Variants in GFI1B observed in about 807,000 individuals in gnomAD.
GFI1B encodes the protein growth factor independent 1B transcriptional repressor.
A neutral mutation model predicts 35.3 loss-of-function variants in GFI1B; 20 were observed. The observed-to-expected ratio is 0.57, with a 90% CI of 0.40 to 0.82. The LOEUF (loss-of-function observed/expected upper bound fraction) is 0.82. Ranked by LOEUF, GFI1B falls within the 40% of genes least tolerant of loss-of-function variation. The pLI, the probability that GFI1B is intolerant of heterozygous loss-of-function variation, is 0.00. For synonymous variants in GFI1B, 178 were observed against 177.6 expected (o/e 1.00, Z -0.02); for missense variants, 430 against 446.3 (o/e 0.96, Z 0.33).
intron 1 of GFI1B, among the ~76,000 whole-genome samples, chr9:132,984,562 G>A (rs768839817): frequency 7.2e-5 from 11 of 152,210 alleles, no homozygotes; most frequent in Non-Finnish European, 8.8e-5. Context: ...GGCTTACCCC[G>A]TCCTTTGAAT....
At chr9:132,953,231 T>C (rs1159147865) in intron 1 of GFI1B, 1 of 152,278 alleles carries the variant, frequency 6.6e-6, no homozygotes, top group Non-Finnish European at 1.5e-5. Context: ...TATTGGCTTC[T>C]TTGCTGTACC....
intron 1 of GFI1B, among the ~76,000 whole-genome samples, chr9:132,984,312 G>T (rs189806022): frequency 1.3e-5 from 2 of 152,080 alleles, no homozygotes; most frequent in Non-Finnish European, 2.9e-5. Flanking sequence ...GGGAAGGAAG[G>T]GGGGTGTGGG....
chr9:132,950,554 CTTTTTTTTT>C (rs55667389), intron 1 of GFI1B, among the ~76,000 whole-genome samples: 2 of 81,530 alleles, frequency 2.5e-5, no homozygotes, highest in African/African-American at 1.2e-4. Context: ...CCCAATCCCA[CTTTTTTTTT>C]TTTTTTTTTT....
intron 1 of GFI1B, among the ~76,000 whole-genome samples, chr9:132,985,754 A>C (rs1849025086): frequency 6.6e-6 from 1 of 152,236 alleles, no homozygotes; most frequent in African/African-American, 2.4e-5. Flanking sequence ...CAAAGGGGAT[A>C]GGCCCAGAGA....
chr9:132,987,963 G>A (rs1435223572), intron 3 of GFI1B, among the ~76,000 whole-genome samples: 1 of 152,160 alleles, frequency 6.6e-6, no homozygotes, highest in Non-Finnish European at 1.5e-5. Context: ...TCCTGCCTCA[G>A]CCTCCCTAGT....
At position 132,988,477 on chromosome 9, in the gene GFI1B, C is replaced by G. The variant is rs373164045; in HGVS notation, c.510+9C>G. 3.1e-6 allele frequency: 5 copies of G among 1,612,082 alleles called. No homozygotes were observed. Among genetic ancestry groups the G allele is most frequent in the Non-Finnish European group, 4.2e-6 (5 of 1,179,628 alleles). ...GTGTGAAGTGCAACAAGGTGGGCAG[C>G]GGGGGGTGTGGTGGGCACCTGGGCC... On this transcript the variant is annotated intron_variant, in intron 4 of 6. Transcript: ENST00000372122.
chr9:132,970,286 T>A (rs954294497), intron 1 of GFI1B, among the ~76,000 whole-genome samples: 2 of 152,070 alleles, frequency 1.3e-5, no homozygotes, highest in Admixed American at 1.3e-4. Context: ...TCCCCATCAG[T>A]AGCCACAGCA....
At chr9:132,984,814 T>C (rs1043540170) in intron 1 of GFI1B, among the ~76,000 whole-genome samples, 8 of 152,122 alleles carry the variant, frequency 5.3e-5, no homozygotes, top group African/African-American at 1.7e-4. Context: ...GCCCCCAGGC[T>C]CTGGGCCAGG....
At position 132,991,085 on chromosome 9, in the gene GFI1B, C is replaced by T. The variant is rs1451073107; in HGVS notation, c.*35C>T. The T allele has an allele frequency of 6.3e-7, 1 of 1,594,702 alleles. No homozygotes were observed. The highest frequency in any genetic ancestry group is 1.7e-5 in the Admixed American group (1 of 59,866). ...GGCTCCCAGCTCCTGGCCAGCCTGCCCTGCGGTCCTGTCACCTGGAGGCCA... is the reference window on the plus strand; with the variant it reads ...GGCTCCCAGCTCCTGGCCAGCCTGCTCTGCGGTCCTGTCACCTGGAGGCCA... On this transcript the variant is annotated 3_prime_UTR_variant, in exon 7 of 7. Coordinates refer to ENST00000372122, the MANE Select transcript of GFI1B (RefSeq NM_001377304.1).
intron 1 of GFI1B, among the ~76,000 whole-genome samples, chr9:132,948,454 A>T (rs1848154067): frequency 6.6e-6 from 1 of 152,168 alleles, no homozygotes; most frequent in South Asian, 2.1e-4. Context: ...TGGATTTCTG[A>T]CCCTCATCAA....
At chr9:132,960,471 A>T (rs988834584) in intron 1 of GFI1B, among the ~76,000 whole-genome samples, 1 of 152,150 alleles carries the variant, frequency 6.6e-6, no homozygotes, top group African/African-American at 2.4e-5. Flanking sequence ...CAAAGGCTTC[A>T]TCTTGACATT....
intron 1 of GFI1B, among the ~76,000 whole-genome samples, chr9:132,985,070 G>A (rs1426162063): frequency 1.3e-5 from 2 of 152,114 alleles, no homozygotes; most frequent in Non-Finnish European, 2.9e-5. Flanking sequence ...GGCCCAAGGG[G>A]TGGGGGGGTG....
chr9:132,983,498 T>C (rs1164120614), intron 1 of GFI1B, among the ~76,000 whole-genome samples: 1 of 152,082 alleles, frequency 6.6e-6, no homozygotes, highest in Non-Finnish European at 1.5e-5. Flanking sequence ...CCCGGCCTGA[T>C]TTTTCTCCCC....
At chr9:132,945,833 C>G (rs1319796949) in intron 1 of GFI1B, 4 of 153,262 alleles carry the variant, frequency 2.6e-5, no homozygotes, top group Non-Finnish European at 5.9e-5. Flanking sequence ...ACCAAAGGAG[C>G]AAGAGCCTAG....
At position 132,987,289 on chromosome 9, in the gene GFI1B, A is replaced by G. The variant is rs1285390475; in HGVS notation, c.108A>G (p.Arg36=). 1 of 1,614,036 alleles carries G rather than the reference A, an allele frequency of 6.2e-7. No homozygotes were observed. The highest frequency in any genetic ancestry group is 1.1e-5 in the South Asian group (1 of 91,022). The change falls in exon 3 of 7, where the codon AGA becomes AGG. Residue 36 remains arginine, a synonymous_variant. Coordinates refer to ENST00000372122, the MANE Select transcript of GFI1B (RefSeq NM_001377304.1). The part of the protein sequence containing the change: ...LWPPALTPVP[R]DQAPSNSPVL... ...GGTCCTATCTCCCCACAGTGCCCAG[A>G]GACCAGGCTCCAAGCAACAGCCCTG...
In GFI1B at chr9:132,948,879, T is replaced by C. The variant is rs796538162; in HGVS notation, c.-701+3210T>C. Among the ~76,000 whole-genome samples, 31 of 152,338 alleles carry C rather than the reference T, an allele frequency of 2.0e-4. 1 individual carries two copies. Among genetic ancestry groups the C allele is most frequent in the African/African-American group, 7.5e-4 (31 of 41,586 alleles). On this transcript the variant is annotated intron_variant, in intron 1 of 10. Transcript: ENST00000339463. The stretch of plus-strand genomic sequence containing the variant: ...GCCCTTCTCTGTCTGGGCTCCCCTC[T>C]GAGCCACACCCGCTAAGCATGTCCT...
At chr9:132,968,648 C>T (rs866593458) in intron 1 of GFI1B, among the ~76,000 whole-genome samples, 1 of 151,926 alleles carries the variant, frequency 6.6e-6, no homozygotes, top group East Asian at 1.9e-4. Context: ...TTAGAATATT[C>T]GGTAAGAAGA....
chr9:132,971,256 G>C (rs1848528256), intron 1 of GFI1B, among the ~76,000 whole-genome samples: 1 of 152,208 alleles, frequency 6.6e-6, no homozygotes, highest in African/African-American at 2.4e-5. Flanking sequence ...GGGAGCTTCA[G>C]GCAGGCCTGT....
intron 1 of GFI1B, among the ~76,000 whole-genome samples, chr9:132,950,280 T>A (rs1288474467): frequency 2.0e-5 from 3 of 152,036 alleles, no homozygotes; most frequent in African/African-American, 7.3e-5. Flanking sequence ...TCAACTCCAA[T>A]GTGATCTCCA....
Sources: gnomAD v4.1 joint callset for allele counts (sites outside exome capture counted in the v4.1 genomes callset) on GRCh38, gnomAD v4.1.1 for gene constraint, MANE v1.5 for transcripts, NCBI Gene and HGNC (gene_info 2026-07-23, HGNC 2026-07-21) for gene names.